Variants in SDK1 observed in about 807,000 individuals in gnomAD.
SDK1 encodes the protein sidekick cell adhesion molecule 1.
A neutral mutation model predicts 245.5 loss-of-function variants in SDK1; 157 were observed. That is an observed-to-expected ratio of 0.64 (90% CI 0.56 to 0.73). The LOEUF (loss-of-function observed/expected upper bound fraction) is 0.73. Among genes scored for constraint, SDK1 ranks in the 30% least tolerant of loss-of-function variants. The probability of loss-of-function intolerance (pLI) is 0.00; values close to 1 mark genes in which losing one functional copy is unlikely to be tolerated. For synonymous variants in SDK1, 1,647 were observed against 1,278.5 expected, an observed-to-expected ratio of 1.29 and a Z score of -6.15; for missense variants, 3,583 against 3,002.3, an observed-to-expected ratio of 1.19 and a Z score of -4.52.
intron 1 of SDK1, among the ~76,000 whole-genome samples, chr7:3,306,319 CT>C (rs1278969206): frequency 6.6e-6 from 1 of 152,182 alleles, no homozygotes; most frequent in Admixed American, 6.5e-5. Context: ...ATGTATTCCC[CT>C]ACCCCAATTT....
intron 43 of SDK1, 65 bp downstream of exon 43, chr7:4,241,978 C>A (rs1314737931): frequency 6.3e-7 from 1 of 1,576,010 alleles, no homozygotes; most frequent in African/African-American, 1.3e-5. Context: ...GGGTGGCAGC[C>A]CACGCCCACT....
At chr7:4,112,582 T>G (rs886481471) in intron 23 of SDK1, among the ~76,000 whole-genome samples, 2 of 152,172 alleles carry the variant, frequency 1.3e-5, no homozygotes, top group Non-Finnish European at 2.9e-5. Flanking sequence ...ACTTGCACTT[T>G]AACCCCTCGA....
At chr7:3,771,885 A>G (rs948168531) in intron 4 of SDK1, among the ~76,000 whole-genome samples, 7 of 152,208 alleles carry the variant, frequency 4.6e-5, no homozygotes, top group South Asian at 2.1e-4. Context: ...CAGAACTGAA[A>G]TGCTAATCCA....
chr7:3,508,547 C>G (rs549152732), intron 1 of SDK1, among the ~76,000 whole-genome samples: 1 of 151,976 alleles, frequency 6.6e-6, no homozygotes, highest in Non-Finnish European at 1.5e-5. Flanking sequence ...AGGCTGGTCT[C>G]GAACTCCTGA....
chr7:3,586,944 G>C (rs925165489), intron 1 of SDK1, among the ~76,000 whole-genome samples: 4 of 152,140 alleles, frequency 2.6e-5, no homozygotes, highest in Non-Finnish European at 1.5e-5. Context: ...TAAGCGTTGA[G>C]AGTGCATACA....
intron 5 of SDK1, among the ~76,000 whole-genome samples, chr7:3,913,198 C>G (rs560234015): frequency 6.6e-6 from 1 of 152,134 alleles, no homozygotes; most frequent in African/African-American, 2.4e-5. Flanking sequence ...GCTCCTGGCT[C>G]GCGCTAAGCG....
intron 4 of SDK1, among the ~76,000 whole-genome samples, chr7:3,808,287 G>T (rs928352568): frequency 2.0e-5 from 3 of 152,196 alleles, no homozygotes; most frequent in African/African-American, 4.8e-5. Flanking sequence ...CTTCTGAGAA[G>T]TGACAAACAA....
At chr7:3,528,232 A>C (rs1391365384) in intron 1 of SDK1, among the ~76,000 whole-genome samples, 3 of 97,230 alleles carry the variant, frequency 3.1e-5, no homozygotes, top group African/African-American at 1.2e-4. Context: ...GGTGGGAGGT[A>C]ATGTTGGATG....
chr7:3,723,725 CGTACAT>C (rs1778899407), intron 4 of SDK1, among the ~76,000 whole-genome samples: 1 of 149,948 alleles, frequency 6.7e-6, no homozygotes, highest in African/African-American at 2.5e-5. Context: ...TGTATATACA[CGTACAT>C]ATACATATAC....
At chr7:3,892,900 C>G (rs578062261) in intron 5 of SDK1, among the ~76,000 whole-genome samples, 1 of 152,160 alleles carries the variant, frequency 6.6e-6, no homozygotes, top group African/African-American at 2.4e-5. Context: ...TAAGCAGAAT[C>G]GTGGGTTGCT....
intron 1 of SDK1, among the ~76,000 whole-genome samples, chr7:3,490,060 T>C (rs1156275473): frequency 6.6e-6 from 1 of 152,236 alleles, no homozygotes; most frequent in African/African-American, 2.4e-5. Context: ...TGTCACTTGC[T>C]TTCAAGCTGG....
intron 1 of SDK1, among the ~76,000 whole-genome samples, chr7:3,408,407 G>C (rs1396673560): frequency 6.6e-6 from 1 of 151,944 alleles, no homozygotes; most frequent in African/African-American, 2.4e-5. Flanking sequence ...ACTTTTTCTT[G>C]ATGTTATTAT....
intron 9 of SDK1, 48 bp downstream of exon 9, chr7:3,962,899 A>G: frequency 7.2e-7 from 1 of 1,389,364 alleles, no homozygotes; most frequent in Non-Finnish European, 9.9e-7. Flanking sequence ...GTATCCAGTG[A>G]GTACACTCAG....
chr7:3,554,845 A>G (rs1446974538), intron 1 of SDK1, among the ~76,000 whole-genome samples: 2 of 152,234 alleles, frequency 1.3e-5, no homozygotes, highest in African/African-American at 4.8e-5. Context: ...TACAATAGCT[A>G]CAAAAAAATA....
rs550847993 is a variant in SDK1 at position 4,249,510 on chromosome 7, C to T, written c.6381+3705C>T. Among the ~76,000 whole-genome samples the T allele has an allele frequency of 2.8e-4, 43 of 152,308 alleles. No individual in the cohort carries two copies. In the South Asian group the frequency reaches 6.8e-3, roughly 24 times the overall value. The stretch of plus-strand genomic sequence containing the variant: ...GAGGCTGATGAAAGGTGCAGACATG[C>T]TCTCCACCTACATACAGGCAGAATT... On this transcript the variant is annotated intron_variant, in intron 44 of 44. Coordinates refer to ENST00000404826, the MANE Select transcript of SDK1 (RefSeq NM_152744.4).
chr7:3,967,282 C>T (rs1359853200), intron 9 of SDK1, 36 bp from the exon 10 acceptor site: 2 of 1,528,842 alleles, frequency 1.3e-6, no homozygotes, highest in Non-Finnish European at 1.8e-6. Flanking sequence ...CTCTCAGGAA[C>T]AAGGCCCTGA....
rs1003896659 is a variant in SDK1, at chr7:4,018,842, T to A, written c.2602+1490T>A. Among the ~76,000 whole-genome samples the A allele has an allele frequency of 2.6e-5, 4 of 152,052 alleles. No homozygotes were observed. In the East Asian group the frequency reaches 7.7e-4, roughly 29 times the overall value. ...TAGGGGCGGAATCTGTGCGTGGGTG[T>A]GCAGGGAATGTAGGAGGCGGGGAGC... On this transcript the variant is annotated intron_variant, in intron 17 of 44. Transcript: ENST00000404826.
intron 5 of SDK1, among the ~76,000 whole-genome samples, chr7:3,907,159 C>G (rs959503822): frequency 2.0e-5 from 3 of 152,078 alleles, no homozygotes; most frequent in Non-Finnish European, 4.4e-5. Context: ...AAACTTAAAA[C>G]TTGCCATTTT....
At chr7:4,114,588 T>C (rs1783578032) in intron 25 of SDK1, among the ~76,000 whole-genome samples, 1 of 152,234 alleles carries the variant, frequency 6.6e-6, no homozygotes, top group African/African-American at 2.4e-5. Context: ...ATGGGGAATC[T>C]TTAAAATACA....
Sources: allele counts gnomAD v4.1 joint callset (sites outside exome capture counted in the v4.1 genomes callset), GRCh38; gene constraint gnomAD v4.1.1; transcripts MANE v1.5; gene names NCBI Gene and HGNC (gene_info 2026-07-23, HGNC 2026-07-21).